Variants in LRRC36 observed in about 807,000 individuals in gnomAD.
LRRC36 encodes the protein leucine rich repeat containing 36, also known as leucine-rich repeat-containing protein 36.
Under a neutral mutation model 81.1 loss-of-function variants are expected in LRRC36, and 62 were observed. That is an observed-to-expected ratio of 0.76 (90% CI 0.62 to 0.94). The LOEUF (loss-of-function observed/expected upper bound fraction) is 0.94. LRRC36 is among the 40% of genes least tolerant of loss of function. LRRC36 has a pLI of 0.00. For synonymous variants in LRRC36, 334 were observed against 348.6 expected (o/e 0.96, Z 0.47); for missense variants, 761 against 881.7 (o/e 0.86, Z 1.73).
intron 10 of LRRC36, 47 bp from the exon 11 acceptor site, chr16:67,376,680 C>T (rs7205526): frequency 0.095 from 151,035 of 1,584,080 alleles, 17,332 homozygotes; most frequent in African/African-American, 0.58. Flanking sequence ...AATGCTGTGC[C>T]TTAGCTTTTA....
intron 5 of LRRC36, among the ~76,000 whole-genome samples, chr16:67,351,950 G>C (rs1196426823): frequency 6.6e-6 from 1 of 151,976 alleles, no homozygotes; most frequent in Non-Finnish European, 1.5e-5. Flanking sequence ...TACCACCTTT[G>C]GTATACAGCC....
At chr16:67,352,327 A>G (rs2038683005) in intron 5 of LRRC36, among the ~76,000 whole-genome samples, 1 of 152,226 alleles carries the variant, frequency 6.6e-6, no homozygotes, top group African/African-American at 2.4e-5. Flanking sequence ...AATATGATCA[A>G]AGTGGTTATG....
intron 5 of LRRC36, among the ~76,000 whole-genome samples, chr16:67,351,365 G>C (rs1018333464): frequency 6.6e-6 from 1 of 152,014 alleles, no homozygotes; most frequent in African/African-American, 2.4e-5. Context: ...TTATTTTCTT[G>C]ATTTCTTATC....
chr16:67,339,357 G>C lies in LRRC36; in HGVS notation c.71-2600G>C, dbSNP rs537390011. Among the ~76,000 whole-genome samples the C allele has an allele frequency of 4.6e-5, 7 of 151,922 alleles. No homozygotes were observed. In the South Asian group the frequency reaches 1.5e-3, roughly 32 times the overall value. The stretch of plus-strand genomic sequence containing the variant: ...TTTGTGGACCCCTGTACATGTCTCA[G>C]GGACCTCCAGGGGTTTAGGGACCAT... On this transcript the variant is annotated intron_variant, in intron 1 of 13. Coordinates refer to ENST00000329956, the MANE Select transcript of LRRC36 (RefSeq NM_018296.6).
rs151108008 is a variant in LRRC36, at chr16:67,382,475, ATAAT to A, written c.2045+231_2045+234del. Among the ~76,000 whole-genome samples the A allele has an allele frequency of 5.2e-3, 792 of 152,268 alleles. 3 individuals carry two copies. Among genetic ancestry groups the A allele is most frequent in the African/African-American group, 0.018 (727 of 41,538 alleles). On this transcript the variant is annotated intron_variant, in intron 13 of 13. Coordinates refer to ENST00000329956, the MANE Select transcript of LRRC36 (RefSeq NM_018296.6). ...GGCATTGGTGGGTTGCAACACCTCG[ATAAT>A]TAGCTTCTCACTGGATCTGATGGGA...
chr16:67,376,731 T>G lies in LRRC36; in HGVS notation c.1665T>G (p.Pro555=). The G allele has an allele frequency of 6.2e-7, 1 of 1,611,394 alleles. No homozygotes were observed. Among genetic ancestry groups the G allele is most frequent in the Non-Finnish European group, 8.5e-7 (1 of 1,177,718 alleles). ...SLLLNKKFLG[P]ARDLLLSLVV... ...CCCATCCTGAATTTTTGGCAGGTCC[T>G]GCCCGAGATTTGCTTCTGTCTTTGG... The change falls in exon 11 of 14, where the codon CCT becomes CCG. Residue 555 remains proline (P), a synonymous_variant. Transcript: ENST00000329956.
At position 67,375,257 on chromosome 16, in the gene LRRC36, G is replaced by A. The variant is rs1228056683; in HGVS notation, c.1505G>A (p.Ser502Asn). The A allele has an allele frequency of 1.9e-6, 3 of 1,610,836 alleles. No homozygotes were observed. The highest frequency in any genetic ancestry group is 2.2e-5 in the East Asian group (1 of 44,852). ...QDATGSEPLS[S>N]DLGSLHGLAG... ...TTTTTTTCTCTTGAGCCTCTCTCTA[G>A]TGACCTGGGTAGTTTGCACGGTTTG... Residue 502 changes from serine (S) to asparagine (N), a missense_variant, in exon 10 of 14, where the codon AGT (serine) becomes AAT (asparagine). Transcript: ENST00000329956.
intron 5 of LRRC36, among the ~76,000 whole-genome samples, chr16:67,358,353 TA>T (rs1411051975): frequency 6.6e-6 from 1 of 152,180 alleles, no homozygotes; most frequent in African/African-American, 2.4e-5. Flanking sequence ...ATTCATTCTA[TA>T]TTTTTAAAAA....
chr16:67,338,309 C>T (rs2037859138), intron 1 of LRRC36, among the ~76,000 whole-genome samples: 1 of 151,966 alleles, frequency 6.6e-6, no homozygotes, highest in Non-Finnish European at 1.5e-5. Context: ...GATTTATATT[C>T]TTGCAAACCT....
chr16:67,363,719 T>A lies in LRRC36; in HGVS notation c.702+5T>A, dbSNP rs1348082871. ...ACCTTCCCACTGGGGACACAGGTAA[T>A]GTATTCACTCTCCTGCTGATCTGTT... On this transcript the variant is annotated splice_donor_5th_base_variant and intron_variant, in intron 6 of 13. Transcript: ENST00000329956. The A allele has an allele frequency of 1.2e-6, 2 of 1,613,424 alleles. No homozygotes were observed. Among genetic ancestry groups the A allele is most frequent in the East Asian group, 4.5e-5 (2 of 44,870 alleles).
intron 5 of LRRC36, chr16:67,362,196 T>C: frequency 2.2e-6 from 1 of 453,642 alleles, no homozygotes; most frequent in Non-Finnish European, 4.4e-6. Flanking sequence ...AGAGTCTTGC[T>C]CTGTCGCCCA....
intron 8 of LRRC36, among the ~76,000 whole-genome samples, chr16:67,369,944 G>A (rs1278775072): frequency 6.6e-6 from 1 of 152,118 alleles, no homozygotes; most frequent in Admixed American, 6.5e-5. Context: ...AAGGAGTTTT[G>A]CAGTAAAGGG....
intron 13 of LRRC36, among the ~76,000 whole-genome samples, chr16:67,383,071 C>CAAA (rs59297593): frequency 1.2e-3 from 55 of 44,210 alleles, no homozygotes; most frequent in East Asian, 2.5e-3. Flanking sequence ...GGCTCCGTCT[C>CAAA]AAAAAAAAAA....
Position 67,385,057 on chromosome 16 carries a change from G to T in LRRC36, c.2233G>T (p.Val745Phe). 1 of 1,614,052 alleles carries T rather than the reference G, an allele frequency of 6.2e-7. No homozygotes were observed. Among genetic ancestry groups the T allele is most frequent in the East Asian group, 2.2e-5 (1 of 44,884 alleles). Residue 745 changes from valine to phenylalanine, a missense_variant, in exon 14 of 14, where the codon GTC becomes TTC. Val to Phe is a conservative substitution (Grantham distance 50). This residue lies in a region of LRRC36 where 359 missense variants were observed against 388.4 expected (regional missense o/e 0.92). Transcript: ENST00000329956. ...GACTGGTCAGTATCTAATACAGAGC[G>T]TCTTGGATGCTGCCCCAGAGCCTGG... ...HETGQYLIQS[V>F]LDAAPEPGL
Position 67,342,034 on chromosome 16 carries a change from A to G in LRRC36, c.148A>G (p.Lys50Glu). 6.2e-7 allele frequency: 1 copy of G among 1,611,452 alleles called. No individual in the cohort carries two copies. The highest frequency in any genetic ancestry group is 1.1e-5 in the South Asian group (1 of 90,874). ...CATTGGTGATGCCTTCAGAAATTTT[A>G]AAAATCTCCGATCCTTAGATTTATC... ...HSIGDAFRNFKNLRSLDLSRN... is the reference protein window; with the variant it reads ...HSIGDAFRNFENLRSLDLSRN... The change falls in exon 2 of 14, where the codon AAA becomes GAA. Residue 50 changes from lysine (K) to glutamate (E), a missense_variant. Lys to Glu is a moderately conservative substitution (Grantham distance 56). Transcript: ENST00000329956.
intron 5 of LRRC36, among the ~76,000 whole-genome samples, chr16:67,358,879 A>G (rs1399413335): frequency 6.6e-6 from 1 of 152,166 alleles, no homozygotes; most frequent in Non-Finnish European, 1.5e-5. Context: ...TCTAAAGGAC[A>G]GATAATAAGC....
At chr16:67,363,002 C>T (rs1248549099) in intron 5 of LRRC36, among the ~76,000 whole-genome samples, 2 of 152,116 alleles carry the variant, frequency 1.3e-5, no homozygotes, top group Non-Finnish European at 2.9e-5. Flanking sequence ...AGGCTGGTCT[C>T]GAACTCCTAA....
At chr16:67,371,321 G>A in intron 9 of LRRC36, 79 bp downstream of exon 9, 4 of 1,543,082 alleles carry the variant, frequency 2.6e-6, no homozygotes, top group Non-Finnish European at 2.7e-6. Flanking sequence ...TGGGAATGGA[G>A]GTGGTTCTGA....
intron 1 of LRRC36, among the ~76,000 whole-genome samples, chr16:67,341,242 A>G (rs1436121720): frequency 7.0e-6 from 1 of 142,126 alleles, no homozygotes; most frequent in Non-Finnish European, 1.5e-5. Context: ...ATATAATTAT[A>G]TATAATTATA....
Sources: gnomAD v4.1 joint callset for allele counts (sites outside exome capture counted in the v4.1 genomes callset) on GRCh38, gnomAD v4.1.1 for gene constraint, gnomAD v4.1.1 regional missense constraint, MANE v1.5 for transcripts, NCBI Gene and HGNC (gene_info 2026-07-23, HGNC 2026-07-21) for gene names.